The following PPIE variants were observed in gnomAD, a reference collection of about 807,000 sequenced individuals.
PPIE encodes peptidyl-prolyl cis-trans isomerase E.
A neutral mutation model predicts 38.4 loss-of-function variants in PPIE; 20 were observed. The observed-to-expected ratio is 0.52, with a 90% CI of 0.37 to 0.76. The LOEUF is 0.76. Among genes scored for constraint, PPIE ranks in the 30% least tolerant of loss-of-function variants. The pLI, the probability that PPIE is intolerant of heterozygous loss-of-function variation, is 0.00. For synonymous variants in PPIE, 142 were observed against 135.7 expected (o/e 1.05, Z -0.32); for missense variants, 322 against 385.8 (o/e 0.83, Z 1.39).
intron 5 of PPIE, 150 bp downstream of exon 5, chr1:39,743,447 C>T (rs1647111867): frequency 2.9e-6 from 2 of 684,536 alleles, no homozygotes; most frequent in Non-Finnish European, 5.1e-6. Flanking sequence ...AGGGCATGCA[C>T]CACCTTTTTA....
At chr1:39,750,587 T>C (rs1410559537) in intron 8 of PPIE, among the ~76,000 whole-genome samples, 2 of 152,228 alleles carry the variant, frequency 1.3e-5, no homozygotes, top group Non-Finnish European at 2.9e-5. Context: ...GTTTCAGATT[T>C]TGGGGCATTT....
chr1:39,754,692 C>T lies in PPIE; in HGVS notation c.*1337C>T, dbSNP rs952054490. 6.6e-6 allele frequency among the ~76,000 whole-genome samples: 1 copy of T among 152,050 alleles called. No homozygotes were observed. The highest frequency in any genetic ancestry group is 2.4e-5 in the African/African-American group (1 of 41,392). Reference sequence around the variant, plus strand: ...GCCTGGGCAATGTAGAGACCCCCATCTCTAGGGGGAGAAAAAAAAGCCAGG... The same window carrying T: ...GCCTGGGCAATGTAGAGACCCCCATTTCTAGGGGGAGAAAAAAAAGCCAGG... On this transcript the variant is annotated 3_prime_UTR_variant, in exon 10 of 10. Transcript: ENST00000324379.
chr1:39,760,177 G>T, downstream of PPIE: 1 of 672,116 alleles, frequency 1.5e-6, no homozygotes, highest in Non-Finnish European at 2.4e-6. Flanking sequence ...TTTGCATTTG[G>T]GTAGAACACT....
At position 39,748,982 on chromosome 1, in the gene PPIE, C is replaced by A. The variant is rs1647407605; in HGVS notation, c.588C>A (p.Phe196Leu). ...GCTTCCACCGCATCATCCCCCAGTT[C>A]ATGTGCCAGGGCGGTGATTTCACAA... is the stretch of plus-strand genomic sequence containing the variant. ...GSSFHRIIPQ[F>L]MCQGGDFTNH... is the part of the protein sequence containing the mutation. Residue 196 changes from phenylalanine (F) to leucine (L), a missense_variant, in exon 8 of 10, where the codon TTC (phenylalanine) becomes TTA (leucine). Physicochemically the swap from Phe to Leu is conservative, Grantham distance 22. Coordinates refer to ENST00000324379, the MANE Select transcript of PPIE (RefSeq NM_006112.4). The A allele has an allele frequency of 6.2e-7, 1 of 1,614,076 alleles. No individual in the cohort carries two copies. Among genetic ancestry groups the A allele is most frequent in the African/African-American group, 1.3e-5 (1 of 75,026 alleles).
intron 4 of PPIE, 93 bp downstream of exon 4, chr1:39,742,014 A>T (rs1456911845): frequency 7.2e-7 from 1 of 1,397,210 alleles, no homozygotes; most frequent in Admixed American, 1.9e-5. Context: ...TTCCAAAGTT[A>T]CAAGGTTGCA....
intron 2 of PPIE, 109 bp downstream of exon 2, chr1:39,740,372 C>T (rs927846593): frequency 2.4e-6 from 2 of 836,318 alleles, no homozygotes; most frequent in African/African-American, 3.4e-5. Context: ...TTAGTATACA[C>T]TACAGGTAAG....
intron 8 of PPIE, 102 bp from the exon 9 acceptor site, chr1:39,752,808 G>T: frequency 4.9e-6 from 7 of 1,432,182 alleles, no homozygotes; most frequent in Non-Finnish European, 6.6e-6. Context: ...GCATCCCCGA[G>T]TCTGAGCCTG....
chr1:39,761,624 A>G (rs1648992700), downstream of PPIE, among the ~76,000 whole-genome samples: 1 of 151,088 alleles, frequency 6.6e-6, no homozygotes, highest in Non-Finnish European at 1.5e-5. Flanking sequence ...CCCTCCTCCC[A>G]CTCACTGCAC....
chr1:39,755,571 G>A lies in PPIE; in HGVS notation c.*2216G>A, dbSNP rs1648178221. The A allele has an allele frequency of 1.6e-5, 16 of 985,302 alleles. No individual in the cohort carries two copies. The highest frequency in any genetic ancestry group is 1.8e-5 in the Non-Finnish European group (15 of 829,930). 61.0% of individuals were successfully genotyped at this position (985,302 alleles called of 1,614,324 possible). A position where few individuals can be genotyped will look rare whatever the true frequency, so the allele number is the denominator to read the frequency against. On this transcript the variant is annotated 3_prime_UTR_variant, in exon 10 of 10. Transcript: ENST00000324379. ...TGTTAGGCAGGCATCTATGAAGCTG[G>A]GGATGATAGCACTGACTTCAGTGCT...
intron 3 of PPIE, 181 bp from the exon 4 acceptor site, chr1:39,741,714 A>G (rs1647062182): frequency 1.5e-6 from 1 of 670,956 alleles, no homozygotes. Context: ...TAGATGGCAA[A>G]TTGTTGCACC....
chr1:39,760,567 A>C, downstream of PPIE: 1 of 1,613,474 alleles, frequency 6.2e-7, no homozygotes, highest in South Asian at 1.1e-5. Flanking sequence ...CATCAGGTGC[A>C]CCTGGCCAGG....
rs1014317721 is a variant in PPIE at position 39,743,117 on chromosome 1, G to T, written c.202-99G>T. Reference sequence around the variant, plus strand: ...ACTGGTAGAGGCCCAGGGATTAAGGGAGGACAAATCATGAGTGTGTCTCAG... The same window carrying T: ...ACTGGTAGAGGCCCAGGGATTAAGGTAGGACAAATCATGAGTGTGTCTCAG... On this transcript the variant is annotated intron_variant, in intron 4 of 9. Coordinates refer to ENST00000324379, the MANE Select transcript of PPIE (RefSeq NM_006112.4). 53 of 1,063,370 alleles carry T rather than the reference G, an allele frequency of 5.0e-5. No homozygotes were observed. In the Middle Eastern group the frequency reaches 6.8e-4, roughly 14 times the overall value. The allele number at this position is 1,063,370 out of a possible 1,614,324, so 65.9% of individuals were successfully genotyped here. A position where few individuals can be genotyped will look rare whatever the true frequency, so the allele number is the denominator to read the frequency against.
intron 9 of PPIE, chr1:39,762,497 A>G (rs1649127167): frequency 8.4e-6 from 13 of 1,545,972 alleles, no homozygotes; most frequent in South Asian, 3.6e-5. Flanking sequence ...CCCATCAGAA[A>G]CCTGCTTTTG....
Position 39,752,915 on chromosome 1 carries a change from C to T in PPIE, c.700C>T (p.Leu234=). Residue 234 remains leucine, a synonymous_variant, in exon 9 of 10, where the codon CTA becomes TTA. Transcript: ENST00000324379. ...ATGGTTGTTCTCTCCCTCAGGTCTA[C>T]TATCCATGGCCAACTCTGGCCCAAA... The part of the protein sequence containing the change: ...FILKHTGPGL[L]SMANSGPNTN... 2 of 1,613,496 alleles carry T rather than the reference C, an allele frequency of 1.2e-6. No individual in the cohort carries two copies. Among genetic ancestry groups the T allele is most frequent in the Non-Finnish European group, 1.7e-6 (2 of 1,179,792 alleles).
rs1648034184 is a variant in PPIE, at chr1:39,754,074, A to G, written c.*719A>G. On this transcript the variant is annotated 3_prime_UTR_variant, in exon 10 of 10. Coordinates refer to ENST00000324379, the MANE Select transcript of PPIE (RefSeq NM_006112.4). ...CTTCTCTGTGCCAAGTACTATGCCT[A>G]TTTGTCAGGAGACAGGAAGCCAACA... 2.0e-6 allele frequency: 2 copies of G among 985,268 alleles called. No homozygotes were observed. The highest frequency in any genetic ancestry group is 1.2e-6 in the Non-Finnish European group (1 of 829,772). The allele number at this position is 985,268 out of a possible 1,614,324, so 61.0% of individuals were successfully genotyped here. A position where few individuals can be genotyped will look rare whatever the true frequency, so the allele number is the denominator to read the frequency against.
chr1:39,752,476 TACAC>T (rs758276929), intron 8 of PPIE, among the ~76,000 whole-genome samples: 110 of 152,248 alleles, frequency 7.2e-4, no homozygotes, highest in Middle Eastern at 3.4e-3. Flanking sequence ...CATGTACACA[TACAC>T]ACACAGACAC....
intron 8 of PPIE, among the ~76,000 whole-genome samples, chr1:39,750,536 G>A (rs111783671): frequency 3.3e-5 from 5 of 152,306 alleles, no homozygotes; most frequent in African/African-American, 1.2e-4. Flanking sequence ...TGAAATGCTC[G>A]AGTGAGCAGT....
intron 6 of PPIE, among the ~76,000 whole-genome samples, chr1:39,744,670 C>G (rs934206715): frequency 6.6e-6 from 1 of 152,202 alleles, no homozygotes; most frequent in Non-Finnish European, 1.5e-5. Flanking sequence ...TGGATTCTCC[C>G]GCTTCTCTAA....
At chr1:39,753,091 C>G in intron 9 of PPIE, 39 bp downstream of exon 9, 1 of 1,612,844 alleles carries the variant, frequency 6.2e-7, no homozygotes, top group Non-Finnish European at 8.5e-7. Flanking sequence ...TACCCAGGCC[C>G]TAGGAGCACA....
Sources: allele counts gnomAD v4.1 joint callset (sites outside exome capture counted in the v4.1 genomes callset), GRCh38; gene constraint gnomAD v4.1.1; transcripts MANE v1.5; gene names NCBI Gene and HGNC (gene_info 2026-07-23, HGNC 2026-07-21).